MTSS1: variants seen among roughly 807,000 people sequenced by gnomAD.
MTSS1 encodes the protein MTSS I-BAR domain containing 1, also known as protein MTSS 1.
In MTSS1, 18 loss-of-function variants were observed where a neutral mutation model predicts 79.0. The ratio of observed to expected loss-of-function variants is 0.23; its 90% CI spans 0.16 to 0.34. MTSS1 has a LOEUF of 0.34. MTSS1 is among the 10% of genes least tolerant of loss of function. The probability of loss-of-function intolerance (pLI) is 1.00; values close to 1 mark genes in which losing one functional copy is unlikely to be tolerated. For synonymous variants in MTSS1, 341 were observed against 368.6 expected (o/e 0.93, Z 0.86); for missense variants, 815 against 986.2 (o/e 0.83, Z 2.33).
chr8:124,654,061 G>A (rs1169433422), intron 3 of MTSS1, among the ~76,000 whole-genome samples: 1 of 152,152 alleles, frequency 6.6e-6, no homozygotes, highest in East Asian at 1.9e-4. Context: ...GCTCCTGCTA[G>A]ACGGATGCTT....
chr8:124,673,980 C>T (rs567731022), intron 3 of MTSS1, among the ~76,000 whole-genome samples: 1 of 152,232 alleles, frequency 6.6e-6, no homozygotes, highest in African/African-American at 2.4e-5. Flanking sequence ...GAGACAGGGT[C>T]AATGATCCAA....
rs762886446 is a variant in MTSS1 at position 124,568,942 on chromosome 8, C to T, written c.461-406G>A. 3.7e-5 allele frequency: 38 copies of T among 1,040,892 alleles called. No homozygotes were observed. The Middle Eastern group carries it at 1.1e-3, about 31-fold the overall frequency. 64.5% of individuals were successfully genotyped at this position (1,040,892 alleles called of 1,614,324 possible). Reference sequence around the variant, plus strand: ...AAGAGCCTGTGGGTGTTTCCAAAAACGGGCACGGGCTGGCTTTGTTGGGTC... The same window carrying T: ...AAGAGCCTGTGGGTGTTTCCAAAAATGGGCACGGGCTGGCTTTGTTGGGTC... On this transcript the variant is annotated intron_variant, in intron 6 of 13. Coordinates refer to ENST00000518547, the MANE Select transcript of MTSS1 (RefSeq NM_014751.6).
At chr8:124,624,613 T>G (rs539529149) in intron 3 of MTSS1, among the ~76,000 whole-genome samples, 7 of 151,890 alleles carry the variant, frequency 4.6e-5, no homozygotes, top group African/African-American at 1.7e-4. Flanking sequence ...CAACAAATAA[T>G]AGGGAAATCA....
chr8:124,567,544 A>G, intron 7 of MTSS1: 1 of 1,265,608 alleles, frequency 7.9e-7, no homozygotes, highest in South Asian at 2.0e-5. Flanking sequence ...GCTTAGCTTC[A>G]ATGGATGACA....
intron 3 of MTSS1, among the ~76,000 whole-genome samples, chr8:124,690,141 C>T (rs898905906): frequency 6.6e-5 from 10 of 152,206 alleles, no homozygotes; most frequent in Non-Finnish European, 1.5e-4. Context: ...CTTGGACCTT[C>T]CTCCCCACTG....
At chr8:124,556,570 G>T in intron 11 of MTSS1, 165 bp from the exon 12 acceptor site, 1 of 755,670 alleles carries the variant, frequency 1.3e-6, no homozygotes, top group Non-Finnish European at 2.1e-6. Flanking sequence ...GCTCTAAAGG[G>T]CAAGGAATGG....
chr8:124,673,572 G>A (rs1424835174), intron 3 of MTSS1: 1 of 152,114 alleles, frequency 6.6e-6, no homozygotes, highest in East Asian at 1.9e-4. Flanking sequence ...ACTCCACCCT[G>A]TGCTATTTTA....
chr8:124,666,922 A>C (rs1823205406), intron 3 of MTSS1, among the ~76,000 whole-genome samples: 1 of 152,172 alleles, frequency 6.6e-6, no homozygotes, highest in Admixed American at 6.5e-5. Context: ...GGAGGAGTTT[A>C]GGGGGAGAGT....
intron 3 of MTSS1, among the ~76,000 whole-genome samples, chr8:124,644,825 T>TTAAG (rs1057298787): frequency 6.2e-5 from 8 of 128,334 alleles, no homozygotes; most frequent in African/African-American, 3.2e-4. Flanking sequence ...CCGATTATGA[T>TTAAG]TCAGTATAAG....
At chr8:124,655,970 C>T (rs137900566) in intron 3 of MTSS1, among the ~76,000 whole-genome samples, 1,658 of 152,220 alleles carry the variant, frequency 0.011, 18 homozygotes, top group Non-Finnish European at 0.016. Context: ...AAGAAGAAAA[C>T]CTACTTAGGA....
At chr8:124,555,471 C>T (rs1413669497) in intron 13 of MTSS1, among the ~76,000 whole-genome samples, 1 of 152,196 alleles carries the variant, frequency 6.6e-6, no homozygotes, top group African/African-American at 2.4e-5. Context: ...TAGTCTCGAT[C>T]TCCTGACCTC....
At chr8:124,594,398 G>A (rs766501014) in intron 3 of MTSS1, among the ~76,000 whole-genome samples, 14 of 152,172 alleles carry the variant, frequency 9.2e-5, no homozygotes, top group Non-Finnish European at 1.9e-4. Context: ...AGGTGTGGTG[G>A]CACATGCTTG....
rs192949506 is a variant in MTSS1, at chr8:124,584,286, C to T, written c.460+801G>A. On this transcript the variant is annotated intron_variant, in intron 6 of 13. Coordinates refer to ENST00000518547, the MANE Select transcript of MTSS1 (RefSeq NM_014751.6). ...AAACACCACCCACAGAGCAGCCTGA[C>T]GGAAGAATCCCATCTTATCAGTTGT... Among the ~76,000 whole-genome samples, 49 of 152,310 alleles carry T rather than the reference C, an allele frequency of 3.2e-4. 1 individual carries two copies. Among genetic ancestry groups the T allele is most frequent in the Non-Finnish European group, 3.7e-4 (25 of 68,028 alleles).
In MTSS1 at chr8:124,602,011, A is replaced by G. The variant is rs556055488; in HGVS notation, c.209-10776T>C. 1.2e-3 allele frequency among the ~76,000 whole-genome samples: 178 copies of G among 152,058 alleles called. 3 individuals are homozygous for G. In the South Asian group the frequency reaches 0.036, roughly 31 times the overall value. ...CAATTCTTAGGCCTGGAAAAGTTCA[A>G]TCATGATGCCCTAGCTAAGACAATG... On this transcript the variant is annotated intron_variant, in intron 3 of 13. Coordinates refer to ENST00000518547, the MANE Select transcript of MTSS1 (RefSeq NM_014751.6).
chr8:124,701,906 A>C (rs1321134634), intron 2 of MTSS1, among the ~76,000 whole-genome samples: 2 of 152,164 alleles, frequency 1.3e-5, no homozygotes, highest in African/African-American at 4.8e-5. Context: ...CACAAAATTA[A>C]ACTATGTGCA....
intron 3 of MTSS1, among the ~76,000 whole-genome samples, chr8:124,686,253 G>A (rs1224265359): frequency 1.3e-5 from 2 of 152,048 alleles, no homozygotes; most frequent in African/African-American, 4.8e-5. Flanking sequence ...TCTCCATCAC[G>A]CAGGGAGCGC....
intron 3 of MTSS1, among the ~76,000 whole-genome samples, chr8:124,648,480 T>C (rs6470257): frequency 0.29 from 44,235 of 151,852 alleles, 8,355 homozygotes; most frequent in African/African-American, 0.53. Context: ...CTCTCTCCCC[T>C]AACTCCTCAG....
In MTSS1 at chr8:124,582,270, A is replaced by C. The variant is rs912962691; in HGVS notation, c.460+2817T>G. 6.6e-6 allele frequency among the ~76,000 whole-genome samples: 1 copy of C among 152,236 alleles called. No individual in the cohort carries two copies. The highest frequency in any genetic ancestry group is 6.5e-5 in the Admixed American group (1 of 15,282). ...AAAACCTACCAAAGGCAAACCATTG[A>C]AAGTTTCTTGAAGGAAATATTTAAA... On this transcript the variant is annotated intron_variant, in intron 6 of 13. Coordinates refer to ENST00000518547, the MANE Select transcript of MTSS1 (RefSeq NM_014751.6). This position sits in a 1 kb window ranked among gnomAD's most constrained non-coding sequence, Gnocchi z 4.8.
intron 1 of MTSS1, among the ~76,000 whole-genome samples, chr8:124,712,848 A>G (rs1831369193): frequency 6.6e-6 from 1 of 152,070 alleles, no homozygotes; most frequent in African/African-American, 2.4e-5. Context: ...TCCCCTTACA[A>G]ACTGCTCCAT....
Sources: gnomAD v4.1 joint callset for allele counts (sites outside exome capture counted in the v4.1 genomes callset) on GRCh38, gnomAD v4.1.1 for gene constraint, Gnocchi (gnomAD v3.1) non-coding constraint, MANE v1.5 for transcripts, NCBI Gene and HGNC (gene_info 2026-07-23, HGNC 2026-07-21) for gene names.